TOP6BL: variants seen among roughly 807,000 people sequenced by gnomAD.
TOP6BL encodes TOP6B like initiator of meiotic double strand breaks.
At chr11:66,754,348 C>G in the TOP6BL span, among the ~76,000 whole-genome samples, 12 of 152,150 alleles carry the variant, frequency 7.9e-5, no homozygotes, top group African/African-American at 2.9e-4. Flanking sequence ...AATCGTTTCT[C>G]TCATAATTTT....
At chr11:66,826,261 T>C in the TOP6BL span, among the ~76,000 whole-genome samples, 1 of 152,234 alleles carries the variant, frequency 6.6e-6, no homozygotes, top group African/African-American at 2.4e-5. Context: ...TATATATTTG[T>C]AACCAAAGCA....
At chr11:66,768,644 C>T in the TOP6BL span, among the ~76,000 whole-genome samples, 15 of 151,192 alleles carry the variant, frequency 9.9e-5, no homozygotes, top group African/African-American at 1.9e-4. Flanking sequence ...GATCAAGACA[C>T]GCTAAAACAG....
chr11:66,842,999 G>C, the TOP6BL span: 2 of 1,550,894 alleles, frequency 1.3e-6, no homozygotes, highest in Admixed American at 2.0e-5. Context: ...ACTCCTAGAG[G>C]AAGGGAGCAC....
chr11:66,790,930 A>G, the TOP6BL span, among the ~76,000 whole-genome samples: 1 of 152,182 alleles, frequency 6.6e-6, no homozygotes, highest in African/African-American at 2.4e-5. Context: ...TGGAGATGAG[A>G]AGTAAAATAA....
At chr11:66,808,546 A>T in the TOP6BL span, among the ~76,000 whole-genome samples, 2 of 152,164 alleles carry the variant, frequency 1.3e-5, no homozygotes, top group African/African-American at 4.8e-5. Flanking sequence ...ATGAAAAATT[A>T]TGCTTACTAT....
the TOP6BL span, among the ~76,000 whole-genome samples, chr11:66,835,925 A>G: frequency 6.6e-6 from 1 of 152,170 alleles, no homozygotes; most frequent in Non-Finnish European, 1.5e-5. Flanking sequence ...AGAATTGCTG[A>G]GTCATATGAT....
the TOP6BL span, among the ~76,000 whole-genome samples, chr11:66,823,833 A>G: frequency 6.6e-6 from 1 of 151,998 alleles, no homozygotes; most frequent in African/African-American, 2.4e-5. Context: ...GAATAAGAAA[A>G]AAAGAACAGA....
At chr11:66,829,848 C>T in the TOP6BL span, among the ~76,000 whole-genome samples, 3 of 152,154 alleles carry the variant, frequency 2.0e-5, no homozygotes, top group South Asian at 6.2e-4. Context: ...AAAATCATAT[C>T]ACTACACTCC....
the TOP6BL span, among the ~76,000 whole-genome samples, chr11:66,827,625 C>T: frequency 6.6e-6 from 1 of 151,806 alleles, no homozygotes; most frequent in African/African-American, 2.4e-5. Context: ...GTTTATATAA[C>T]CCCTTCATGA....
chr11:66,757,341 AAAAAT>A, the TOP6BL span, among the ~76,000 whole-genome samples: 54 of 152,212 alleles, frequency 3.5e-4, no homozygotes, highest in Non-Finnish European at 5.6e-4. Context: ...TGTCTCAGTG[AAAAAT>A]AAAATAAAAT....
the TOP6BL span, among the ~76,000 whole-genome samples, chr11:66,841,818 C>T: frequency 0.42 from 63,571 of 151,692 alleles, 14,608 homozygotes; most frequent in African/African-American, 0.62. Context: ...TAAAAATTTA[C>T]ATAGGAAGTT....
chr11:66,777,954 C>A, the TOP6BL span, among the ~76,000 whole-genome samples: 1 of 152,138 alleles, frequency 6.6e-6, no homozygotes, highest in Non-Finnish European at 1.5e-5. Context: ...TTGGGAATTT[C>A]AATTACTTAA....
chr11:66,757,636 G>C, the TOP6BL span, among the ~76,000 whole-genome samples: 38 of 152,150 alleles, frequency 2.5e-4, no homozygotes, highest in African/African-American at 8.9e-4. Context: ...GCCCAGGCTA[G>C]AGTGCAATGG....
At chr11:66,804,476 A>G in the TOP6BL span, among the ~76,000 whole-genome samples, 1 of 152,218 alleles carries the variant, frequency 6.6e-6, no homozygotes, top group Non-Finnish European at 1.5e-5. Flanking sequence ...CTGGAGTTGA[A>G]TATGGTAGAT....
the TOP6BL span, chr11:66,815,934 T>G: frequency 9.9e-7 from 1 of 1,014,416 alleles, no homozygotes; most frequent in Middle Eastern, 3.1e-4. Flanking sequence ...TAAATGGGTG[T>G]TCAGATTTAG....
At chr11:66,840,954 C>T in the TOP6BL span, among the ~76,000 whole-genome samples, 9 of 152,092 alleles carry the variant, frequency 5.9e-5, no homozygotes, top group Non-Finnish European at 1.2e-4. Context: ...CTGCTGAGTG[C>T]CAGCTGGGAG....
At chr11:66,780,524 A>G in the TOP6BL span, among the ~76,000 whole-genome samples, 3 of 152,196 alleles carry the variant, frequency 2.0e-5, no homozygotes, top group Admixed American at 1.3e-4. Flanking sequence ...CTCCTTTTCA[A>G]CATTTTGAAA....
At chr11:66,757,743 C>T in the TOP6BL span, among the ~76,000 whole-genome samples, 2 of 152,058 alleles carry the variant, frequency 1.3e-5, no homozygotes, top group Non-Finnish European at 2.9e-5. Flanking sequence ...CCTGCCACCA[C>T]GCTCAGCTAA....
chr11:66,756,619 A>G, the TOP6BL span: 1 of 810,262 alleles, frequency 1.2e-6, no homozygotes, highest in South Asian at 4.8e-5. Context: ...CAAAGATGAC[A>G]GTAGAGACTT....
Sources: gnomAD v4.1 joint callset for allele counts (sites outside exome capture counted in the v4.1 genomes callset) on GRCh38, gnomAD v4.1.1 for gene constraint, MANE v1.5 for transcripts, NCBI Gene and HGNC (gene_info 2026-07-23, HGNC 2026-07-21) for gene names.